ROCK1: variants seen among roughly 807,000 people sequenced by gnomAD.
ROCK1 encodes rho-associated protein kinase 1.
A neutral mutation model predicts 196.8 loss-of-function variants in ROCK1; 36 were observed. The ratio of observed to expected loss-of-function variants is 0.18; its 90% CI spans 0.14 to 0.24. ROCK1 has a LOEUF of 0.24. Among genes scored for constraint, ROCK1 ranks in the 10% least tolerant of loss-of-function variants. The probability of loss-of-function intolerance (pLI) is 1.00; values close to 1 mark genes in which losing one functional copy is unlikely to be tolerated. For synonymous variants in ROCK1, 443 were observed against 515.9 expected, an observed-to-expected ratio of 0.86 and a Z score of 1.91; for missense variants, 920 against 1,562.0, an observed-to-expected ratio of 0.59 and a Z score of 6.93.
intron 1 of ROCK1, among the ~76,000 whole-genome samples, chr18:21,077,043 G>A (rs1353068858): frequency 4.0e-5 from 6 of 148,304 alleles, no homozygotes; most frequent in African/African-American, 1.0e-4. Context: ...GCGCAATCTC[G>A]GCTCACTGCA....
chr18:20,988,093 TC>T (rs2035592522), intron 18 of ROCK1, among the ~76,000 whole-genome samples: 1 of 152,046 alleles, frequency 6.6e-6, no homozygotes. Context: ...TGAGATGGTG[TC>T]TCGCTCTGTT....
rs1262153242 is a variant in ROCK1, at chr18:20,983,033, G to A, written c.2490-201C>T. ...TCTATCTTGCTCCTTATAAAATGAC[G>A]CTATGCAAAAGTAGTGAGAACCCTT... On this transcript the variant is annotated intron_variant, in intron 20 of 32. Coordinates refer to ENST00000399799, the MANE Select transcript of ROCK1 (RefSeq NM_005406.3). Among the ~76,000 whole-genome samples, 15 of 151,836 alleles carry A rather than the reference G, an allele frequency of 9.9e-5. 1 individual carries two copies. In the South Asian group the frequency reaches 1.0e-3, roughly 11 times the overall value.
At chr18:21,057,408 C>T (rs546401940) in intron 2 of ROCK1, among the ~76,000 whole-genome samples, 26 of 152,232 alleles carry the variant, frequency 1.7e-4, no homozygotes, top group African/African-American at 6.0e-4. Flanking sequence ...AGCAAAAGGG[C>T]CAGTGCAAAA....
At chr18:20,964,122 C>T (rs1250865766) in intron 27 of ROCK1, among the ~76,000 whole-genome samples, 1 of 151,932 alleles carries the variant, frequency 6.6e-6, no homozygotes, top group Non-Finnish European at 1.5e-5. Flanking sequence ...GTTTATCCAT[C>T]CAACTACTTA....
Position 20,946,968 on chromosome 18 carries a change from G to C in ROCK1, c.*4416C>G, listed in dbSNP as rs2143301193. The C allele has an allele frequency of 6.6e-6, 1 of 152,248 alleles. No homozygotes were observed. Among genetic ancestry groups the C allele is most frequent in the Non-Finnish European group, 1.5e-5 (1 of 68,014 alleles). 9.4% of individuals were successfully genotyped at this position (152,248 alleles called of 1,614,324 possible). ...ACATGGTACAAGAAACCAATTTATA[G>C]GATTAACATACAAGTGTCACTTTAT... is the stretch of plus-strand genomic sequence containing the variant. On this transcript the variant is annotated 3_prime_UTR_variant, in exon 33 of 33. Transcript: ENST00000399799.
intron 13 of ROCK1, among the ~76,000 whole-genome samples, chr18:21,009,515 T>C (rs2143442809): frequency 6.6e-6 from 1 of 152,288 alleles, no homozygotes; most frequent in Non-Finnish European, 1.5e-5. Flanking sequence ...TTATAAACAT[T>C]AGTATACAGG....
intron 1 of ROCK1, among the ~76,000 whole-genome samples, chr18:21,103,517 G>A: frequency 6.6e-6 from 1 of 150,928 alleles, no homozygotes; most frequent in Non-Finnish European, 1.5e-5. Context: ...AGAGTGCCGT[G>A]GCACCAACAT....
intron 1 of ROCK1, among the ~76,000 whole-genome samples, chr18:21,075,951 C>CAA (rs1286047222): frequency 4.6e-5 from 3 of 65,044 alleles, no homozygotes; most frequent in Non-Finnish European, 6.8e-5. Context: ...GACTCTGTCT[C>CAA]AAAAAAAAAA....
At chr18:21,051,005 T>C (rs2036199566) in intron 2 of ROCK1, among the ~76,000 whole-genome samples, 1 of 152,040 alleles carries the variant, frequency 6.6e-6, no homozygotes. Context: ...AAAAATGTAA[T>C]AAGGAAGATA....
At chr18:21,108,648 C>T (rs576790791) in intron 1 of ROCK1, among the ~76,000 whole-genome samples, 69 of 152,330 alleles carry the variant, frequency 4.5e-4, no homozygotes, top group Non-Finnish European at 6.9e-4. Context: ...GGTTCCCCAT[C>T]TTTTCCCTGC....
At chr18:21,041,957 T>C (rs1166022729) in intron 8 of ROCK1, 140 bp downstream of exon 8, 1 of 733,394 alleles carries the variant, frequency 1.4e-6, no homozygotes, top group Non-Finnish European at 2.2e-6. Context: ...ACATCTAGAA[T>C]ATCATAAAAT....
intron 11 of ROCK1, among the ~76,000 whole-genome samples, chr18:21,022,177 T>C (rs2035918987): frequency 6.6e-6 from 1 of 152,094 alleles, no homozygotes; most frequent in Non-Finnish European, 1.5e-5. Flanking sequence ...ATGTAGGCTA[T>C]AGTAGACAAA....
At chr18:21,102,743 G>A (rs1480187780) in intron 1 of ROCK1, among the ~76,000 whole-genome samples, 2 of 152,042 alleles carry the variant, frequency 1.3e-5, no homozygotes, top group Admixed American at 6.6e-5. Context: ...GCGCTTGCCT[G>A]TAGTCCCAGT....
intron 9 of ROCK1, among the ~76,000 whole-genome samples, chr18:21,029,913 C>A (rs770500428): frequency 6.6e-6 from 1 of 152,048 alleles, no homozygotes; most frequent in South Asian, 2.1e-4. Context: ...ATTTTAGGTA[C>A]AATAACCTCA....
At chr18:21,015,815 T>C (rs2035857734) in intron 12 of ROCK1, among the ~76,000 whole-genome samples, 1 of 149,428 alleles carries the variant, frequency 6.7e-6, no homozygotes, top group African/African-American at 2.5e-5. Context: ...CTACTAAAAA[T>C]TAAAAAAAAA....
chr18:21,041,754 G>T (rs1418141510), intron 8 of ROCK1, among the ~76,000 whole-genome samples: 1 of 152,040 alleles, frequency 6.6e-6, no homozygotes. Flanking sequence ...TTGACTGTGA[G>T]ATGTACTCTA....
chr18:20,962,807 T>C (rs777490380), intron 27 of ROCK1, among the ~76,000 whole-genome samples: 1 of 152,166 alleles, frequency 6.6e-6, no homozygotes, highest in Non-Finnish European at 1.5e-5. Context: ...GAGAAAATTT[T>C]AGTTTTTCCA....
chr18:21,104,661 C>T (rs771528073), intron 1 of ROCK1, among the ~76,000 whole-genome samples: 14 of 152,132 alleles, frequency 9.2e-5, no homozygotes, highest in Non-Finnish European at 1.8e-4. Context: ...CTCTACACAC[C>T]CACAGGGTGC....
intron 1 of ROCK1, among the ~76,000 whole-genome samples, chr18:21,086,761 GAAA>G (rs1307007720): frequency 1.9e-5 from 2 of 107,746 alleles, no homozygotes; most frequent in Admixed American, 1.0e-4. Context: ...TACATCCACT[GAAA>G]AAAAAAAAAA....
Sources: gnomAD v4.1 joint callset for allele counts (sites outside exome capture counted in the v4.1 genomes callset) on GRCh38, gnomAD v4.1.1 for gene constraint, MANE v1.5 for transcripts, NCBI Gene and HGNC (gene_info 2026-07-23, HGNC 2026-07-21) for gene names.